ARPC1A: variants seen among roughly 807,000 people sequenced by gnomAD.
ARPC1A encodes the protein actin-related protein 2/3 complex subunit 1A.
Under a neutral mutation model 46.9 loss-of-function variants are expected in ARPC1A, and 8 were observed. The observed-to-expected ratio is 0.17, with a 90% confidence interval of 0.10 to 0.31. The LOEUF is 0.31. Among genes scored for constraint, ARPC1A ranks in the 10% least tolerant of loss-of-function variants. The pLI is 1.00. For synonymous variants in ARPC1A, 152 were observed against 169.0 expected, an observed-to-expected ratio of 0.90 and a Z score of 0.78; for missense variants, 286 against 483.6, an observed-to-expected ratio of 0.59 and a Z score of 3.83.
chr7:99,335,870 C>T (rs914956067), intron 2 of ARPC1A, among the ~76,000 whole-genome samples: 3 of 151,754 alleles, frequency 2.0e-5, no homozygotes, highest in South Asian at 2.1e-4. Context: ...AGGAGAATGG[C>T]GTGAACCTGG....
chr7:99,353,229 G>A (rs1793576421), intron 5 of ARPC1A, among the ~76,000 whole-genome samples: 1 of 151,824 alleles, frequency 6.6e-6, no homozygotes, highest in African/African-American at 2.4e-5. Flanking sequence ...CGCAATCTCA[G>A]CTCACTGCAA....
At chr7:99,362,376 G>A (rs915017267) in intron 8 of ARPC1A, among the ~76,000 whole-genome samples, 1 of 134,296 alleles carries the variant, frequency 7.4e-6, no homozygotes, top group Non-Finnish European at 1.5e-5. Context: ...CTGTCACCCA[G>A]GCTGGAGTGC....
chr7:99,352,553 G>A (rs1482227316), intron 5 of ARPC1A, among the ~76,000 whole-genome samples: 2 of 151,872 alleles, frequency 1.3e-5, no homozygotes, highest in African/African-American at 4.8e-5. Context: ...CTACTCGAGA[G>A]GCTGAGGCAG....
At chr7:99,357,815 C>G (rs887454900) in intron 6 of ARPC1A, among the ~76,000 whole-genome samples, 1 of 152,186 alleles carries the variant, frequency 6.6e-6, no homozygotes, top group African/African-American at 2.4e-5. Flanking sequence ...GAGCTCCTGG[C>G]TAAGACCGTT....
rs779134177 is a variant in ARPC1A, at chr7:99,358,407, G to C, written c.781G>C (p.Val261Leu). The change falls in exon 7 of 10, where the codon GTG (valine) becomes CTG (leucine). Residue 261 changes from valine to leucine, a missense_variant. Transcript: ENST00000262942. ...GTCATTTGTCTCAGAGAACAGCGTC[G>C]TGGCTGCTGTGAGTATTTTTCTTCA... is the stretch of plus-strand genomic sequence containing the variant. The part of the protein sequence containing the change: ...SVSFVSENSV[V>L]AAGHDCCPML... The C allele has an allele frequency of 1.2e-6, 2 of 1,614,000 alleles. No individual in the cohort carries two copies. Among genetic ancestry groups the C allele is most frequent in the South Asian group, 1.1e-5 (1 of 91,082 alleles).
chr7:99,344,405 A>G lies in ARPC1A; in HGVS notation c.282A>G (p.Arg94=), dbSNP rs377098965. Reference sequence around the variant, plus strand: ...GGAAGCCAACCCTGGTGATCCTGAGAATTAATCGCGCAGCTACTTTTGTGA... The same window carrying G: ...GGAAGCCAACCCTGGTGATCCTGAGGATTAATCGCGCAGCTACTTTTGTGA... The part of the protein sequence containing the change: ...GVWKPTLVIL[R]INRAATFVKW... The change falls in exon 4 of 10, where the codon AGA becomes AGG. Residue 94 remains arginine, a synonymous_variant. Coordinates refer to ENST00000262942, the MANE Select transcript of ARPC1A (RefSeq NM_006409.4). 4.0e-4 allele frequency: 638 copies of G among 1,613,970 alleles called. 9 individuals carry two copies. The South Asian group carries it at 6.7e-3, about 17-fold the overall frequency.
chr7:99,352,846 C>G (rs1363124294), intron 5 of ARPC1A, among the ~76,000 whole-genome samples: 1 of 151,930 alleles, frequency 6.6e-6, no homozygotes, highest in African/African-American at 2.4e-5. Flanking sequence ...TGCCTGTAAT[C>G]CCAGCTACTT....
intron 8 of ARPC1A, 193 bp from the exon 9 acceptor site, chr7:99,363,350 C>A: frequency 3.6e-6 from 2 of 549,878 alleles, no homozygotes; most frequent in South Asian, 4.4e-5. Context: ...GAGACTGAGG[C>A]AGGAGGATCA....
intron 1 of ARPC1A, among the ~76,000 whole-genome samples, chr7:99,333,099 G>A (rs751892326): frequency 6.6e-6 from 1 of 152,144 alleles, no homozygotes; most frequent in Non-Finnish European, 1.5e-5. Flanking sequence ...GTTTCACCAG[G>A]TTGGCCAGGC....
intron 6 of ARPC1A, among the ~76,000 whole-genome samples, chr7:99,354,434 T>C (rs1047222434): frequency 1.3e-5 from 2 of 150,174 alleles, no homozygotes; most frequent in Non-Finnish European, 2.9e-5. Flanking sequence ...AGGCAGAGAA[T>C]TGCTTGAACC....
intron 1 of ARPC1A, among the ~76,000 whole-genome samples, chr7:99,326,392 A>G (rs976147662): frequency 6.6e-6 from 1 of 152,196 alleles, no homozygotes; most frequent in Non-Finnish European, 1.5e-5. Flanking sequence ...CGATCCCTGC[A>G]TACAGTAGGC....
Position 99,361,308 on chromosome 7 carries a change from T to C in ARPC1A, c.983+1570T>C, listed in dbSNP as rs180923393. On this transcript the variant is annotated intron_variant, in intron 8 of 9. Transcript: ENST00000262942. ...ACTTGAGGCCAGCAGTTCAATACCA[T>C]CCTGGGCAACACAGCAAGACCCCAT... Among the ~76,000 whole-genome samples, 219 of 152,016 alleles carry C rather than the reference T, an allele frequency of 1.4e-3. 1 individual carries two copies. Among genetic ancestry groups the C allele is most frequent in the African/African-American group, 5.0e-3 (207 of 41,466 alleles).
chr7:99,333,289 A>G, intron 1 of ARPC1A, 36 bp from the exon 2 acceptor site: 3 of 1,355,356 alleles, frequency 2.2e-6, no homozygotes, highest in East Asian at 4.6e-5. Context: ...CCTTTTCCCT[A>G]TTGTATAAAA....
intron 5 of ARPC1A, among the ~76,000 whole-genome samples, chr7:99,353,457 CTTATTTAT>C (rs56733844): frequency 0.011 from 1,510 of 139,468 alleles, 21 homozygotes; most frequent in African/African-American, 0.039. Flanking sequence ...CGCACCCAGC[CTTATTTAT>C]TTATTTATTT....
At chr7:99,361,461 C>CAAA (rs5886105) in intron 8 of ARPC1A, among the ~76,000 whole-genome samples, 1 of 110,198 alleles carries the variant, frequency 9.1e-6, no homozygotes, top group African/African-American at 2.9e-5. Flanking sequence ...GATCCTATCT[C>CAAA]AAAAAAAAAA....
chr7:99,339,547 A>G (rs917166550), intron 3 of ARPC1A, among the ~76,000 whole-genome samples: 1 of 152,144 alleles, frequency 6.6e-6, no homozygotes, highest in Non-Finnish European at 1.5e-5. Context: ...AAAAAGAGAA[A>G]ACAATCTTTA....
chr7:99,330,768 C>T (rs1341746131), intron 1 of ARPC1A, among the ~76,000 whole-genome samples: 1 of 152,180 alleles, frequency 6.6e-6, no homozygotes, highest in Non-Finnish European at 1.5e-5. Flanking sequence ...ACATTTCAGC[C>T]TCCACCCAAG....
intron 5 of ARPC1A, among the ~76,000 whole-genome samples, chr7:99,352,768 C>T (rs896970704): frequency 6.6e-6 from 1 of 151,940 alleles, no homozygotes; most frequent in Non-Finnish European, 1.5e-5. Flanking sequence ...AGTTCAAGAC[C>T]AGCCTGGTCA....
In ARPC1A at chr7:99,333,415, C is replaced by T. The variant is rs201712782; in HGVS notation, c.62C>T (p.Thr21Ile). Residue 21 changes from threonine to isoleucine, a missense_variant and splice_region_variant, in exon 2 of 10, where the codon ACT becomes ATT. Physicochemically the swap from Thr to Ile is moderately conservative, Grantham distance 89. This residue lies in a region of ARPC1A where 55 missense variants were observed against 59.4 expected (regional missense o/e 0.93). Coordinates refer to ENST00000262942, the MANE Select transcript of ARPC1A (RefSeq NM_006409.4). ...TGTCATGCCTGGAACAGGGATCGTA[C>T]TCGTAAGTATTTTATTAACTTTGCT... ...ITCHAWNRDRTQIALSPNNHE... is the reference protein window; with the variant it reads ...ITCHAWNRDRIQIALSPNNHE... 1.2e-6 allele frequency: 2 copies of T among 1,612,206 alleles called. No homozygotes were observed. The highest frequency in any genetic ancestry group is 2.2e-5 in the East Asian group (1 of 44,858).
Sources: allele counts gnomAD v4.1 joint callset (sites outside exome capture counted in the v4.1 genomes callset), GRCh38; gene constraint gnomAD v4.1.1; regional missense constraint gnomAD v4.1.1; transcripts MANE v1.5; gene names NCBI Gene and HGNC (gene_info 2026-07-23, HGNC 2026-07-21).